KCNIP4: variants seen among roughly 807,000 people sequenced by gnomAD.
KCNIP4 encodes the protein potassium voltage-gated channel interacting protein 4, also known as Kv channel-interacting protein 4.
Under a neutral mutation model 34.0 loss-of-function variants are expected in KCNIP4, and 12 were observed. That is an observed-to-expected ratio of 0.35 (90% CI 0.23 to 0.57). The LOEUF (loss-of-function observed/expected upper bound fraction) is 0.57, where lower values mean the gene tolerates loss of function less well. Ranked by LOEUF, KCNIP4 falls within the 20% of genes least tolerant of loss-of-function variation. The probability of loss-of-function intolerance (pLI) is 0.83; values close to 1 mark genes in which losing one functional copy is unlikely to be tolerated. For synonymous variants in KCNIP4, 124 were observed against 102.2 expected, an observed-to-expected ratio of 1.21 and a Z score of -1.29; for missense variants, 238 against 311.7, an observed-to-expected ratio of 0.76 and a Z score of 1.78.
intron 4 of KCNIP4, among the ~76,000 whole-genome samples, chr4:20,755,568 G>C (rs1177354268): frequency 6.6e-6 from 1 of 152,140 alleles, no homozygotes; most frequent in Non-Finnish European, 1.5e-5. Context: ...CCCTGGAGCT[G>C]ACATTCTAGT....
chr4:20,969,620 A>T (rs1289963026), intron 1 of KCNIP4, among the ~76,000 whole-genome samples: 1 of 151,660 alleles, frequency 6.6e-6, no homozygotes, highest in Admixed American at 6.6e-5. Flanking sequence ...CATTAATTCC[A>T]CTCTATGACT....
intron 1 of KCNIP4, among the ~76,000 whole-genome samples, chr4:21,801,207 A>G (rs1720972305): frequency 6.6e-6 from 1 of 152,210 alleles, no homozygotes; most frequent in African/African-American, 2.4e-5. Flanking sequence ...TTACATAAGC[A>G]ATAGAAGGTA....
intron 1 of KCNIP4, among the ~76,000 whole-genome samples, chr4:21,411,936 T>A (rs1724546750): frequency 6.6e-6 from 1 of 152,200 alleles, no homozygotes; most frequent in African/African-American, 2.4e-5. Flanking sequence ...TTCATTTTCA[T>A]CATAAAGCTC....
chr4:21,142,352 T>C (rs767101361), intron 1 of KCNIP4, among the ~76,000 whole-genome samples: 7 of 151,750 alleles, frequency 4.6e-5, no homozygotes, highest in South Asian at 2.1e-4. Flanking sequence ...AGGTGATGAA[T>C]TGGCTAGCTT....
At chr4:20,732,114 T>G in intron 7 of KCNIP4, 46 bp from the exon 8 acceptor site, 1 of 1,326,366 alleles carries the variant, frequency 7.5e-7, no homozygotes, top group Non-Finnish European at 1.1e-6. Context: ...TATCCCTTAA[T>G]ACCCTCACAC....
At position 21,377,958 on chromosome 4, in the gene KCNIP4, AGTG is replaced by A. The variant is rs535481452; in HGVS notation, c.62-495252_62-495250del. Among the ~76,000 whole-genome samples the A allele has an allele frequency of 7.9e-5, 12 of 152,270 alleles. No homozygotes were observed. In the South Asian group the frequency reaches 2.5e-3, roughly 32 times the overall value. ...CACTGGAAGATTGGTATTTGTGCGTAGTGGTGGTGGTGGCGGGTACTTGCTATT... is the reference window on the plus strand; with the variant it reads ...CACTGGAAGATTGGTATTTGTGCGTAGTGGTGGTGGCGGGTACTTGCTATT... On this transcript the variant is annotated intron_variant, in intron 1 of 8. Coordinates refer to ENST00000382152, the MANE Select transcript of KCNIP4 (RefSeq NM_025221.6).
rs979831688 is a variant in KCNIP4, at chr4:21,608,366, C to A, written c.61+340205G>T. Among the ~76,000 whole-genome samples, 45 of 152,172 alleles carry A rather than the reference C, an allele frequency of 3.0e-4. 1 individual carries two copies. Among genetic ancestry groups the A allele is most frequent in the Admixed American group, 2.9e-3 (45 of 15,272 alleles). On this transcript the variant is annotated intron_variant, in intron 1 of 8. Transcript: ENST00000382152. The stretch of plus-strand genomic sequence containing the variant: ...TGTTCTTGCTCATTCAGGCTGCTGG[C>A]TGAGCTTAGTTCCTTGTGCTGTGCA...
chr4:21,859,248 G>T (rs780362100), intron 1 of KCNIP4, among the ~76,000 whole-genome samples: 13 of 152,136 alleles, frequency 8.5e-5, no homozygotes, highest in Non-Finnish European at 1.8e-4. Flanking sequence ...GAAGCAGGCA[G>T]AATGGTCGAG....
At chr4:21,175,249 C>G (rs1045057536) in intron 1 of KCNIP4, among the ~76,000 whole-genome samples, 3 of 152,106 alleles carry the variant, frequency 2.0e-5, no homozygotes, top group Non-Finnish European at 1.5e-5. Context: ...AGATGCCTAT[C>G]TTCCTATCTT....
At chr4:21,864,496 G>A (rs1254217538) in intron 1 of KCNIP4, among the ~76,000 whole-genome samples, 1 of 152,162 alleles carries the variant, frequency 6.6e-6, no homozygotes, top group African/African-American at 2.4e-5. Flanking sequence ...ATGTTCATTT[G>A]TGTGACTCAT....
chr4:21,445,574 G>T (rs986384808), intron 1 of KCNIP4, among the ~76,000 whole-genome samples: 5 of 152,088 alleles, frequency 3.3e-5, no homozygotes, highest in East Asian at 1.9e-4. Context: ...TAGCCATATG[G>T]AGAAAGCTGA....
chr4:21,462,994 C>G (rs992758752), intron 1 of KCNIP4, among the ~76,000 whole-genome samples: 2 of 151,830 alleles, frequency 1.3e-5, no homozygotes, highest in African/African-American at 4.8e-5. Context: ...GAGACATCTC[C>G]TTGACATACT....
In KCNIP4 at chr4:21,694,914, C is replaced by CAAAAAA. The variant is rs368053041; in HGVS notation, c.61+253651_61+253656dup. Among the ~76,000 whole-genome samples the CAAAAAA allele has an allele frequency of 3.1e-3, 145 of 46,366 alleles. 2 individuals carry two copies. The highest frequency in any genetic ancestry group is 9.3e-3 in the African/African-American group (141 of 15,122). The allele number at this position is 46,366 out of a possible 152,430, so 30.4% of individuals were successfully genotyped here. On this transcript the variant is annotated intron_variant, in intron 1 of 8. Coordinates refer to ENST00000382152, the MANE Select transcript of KCNIP4 (RefSeq NM_025221.6). The stretch of plus-strand genomic sequence containing the variant: ...CGTTTCCTCAGATAACACGATTGAC[C>CAAAAAA]AAAAAAAAAAAAAAAATAAAAATAA...
chr4:21,533,010 A>G (rs1736824688), intron 1 of KCNIP4, among the ~76,000 whole-genome samples: 1 of 142,834 alleles, frequency 7.0e-6, no homozygotes, highest in African/African-American at 2.7e-5. Context: ...ATATATGTAT[A>G]TATACATATG....
chr4:21,302,687 C>T (rs1210991885), intron 1 of KCNIP4, among the ~76,000 whole-genome samples: 1 of 152,136 alleles, frequency 6.6e-6, no homozygotes, highest in African/African-American at 2.4e-5. Flanking sequence ...CCCAGCTCTC[C>T]ACCATCCCCC....
At chr4:21,393,796 T>A (rs1372798952) in intron 1 of KCNIP4, among the ~76,000 whole-genome samples, 1 of 152,178 alleles carries the variant, frequency 6.6e-6, no homozygotes, top group Non-Finnish European at 1.5e-5. Context: ...ATCATTGAAA[T>A]TTCCCACCAA....
chr4:20,838,027 A>G (rs1335326972), intron 3 of KCNIP4, among the ~76,000 whole-genome samples: 1 of 151,988 alleles, frequency 6.6e-6, no homozygotes, highest in East Asian at 1.9e-4. Flanking sequence ...AGTTACTTCA[A>G]AAAATAAAGA....
intron 1 of KCNIP4, among the ~76,000 whole-genome samples, chr4:21,620,356 G>A (rs1166830245): frequency 6.6e-6 from 1 of 152,042 alleles, no homozygotes; most frequent in Admixed American, 6.6e-5. Context: ...ACAAAAATTA[G>A]CTGGGCATGA....
At chr4:20,756,691 A>T (rs1238154974) in intron 4 of KCNIP4, among the ~76,000 whole-genome samples, 2 of 151,904 alleles carry the variant, frequency 1.3e-5, no homozygotes, top group Non-Finnish European at 2.9e-5. Flanking sequence ...GGCTGTCCTG[A>T]TCATGCCCAA....
Sources: gnomAD v4.1 joint callset for allele counts (sites outside exome capture counted in the v4.1 genomes callset) on GRCh38, gnomAD v4.1.1 for gene constraint, MANE v1.5 for transcripts, NCBI Gene and HGNC (gene_info 2026-07-23, HGNC 2026-07-21) for gene names.